Variants in AKAP12 observed in about 807,000 individuals in gnomAD.
AKAP12 encodes the protein A-kinase anchor protein 12.
AKAP12 carries 32 observed loss-of-function variants against 79.9 expected under a neutral mutation model. The ratio of observed to expected loss-of-function variants is 0.40; its 90% CI spans 0.30 to 0.54. The LOEUF is 0.54. AKAP12 is among the 20% of genes least tolerant of loss of function. AKAP12 has a pLI of 0.48. For synonymous variants in AKAP12, 808 were observed against 857.0 expected, an observed-to-expected ratio of 0.94 and a Z score of 1.00; for missense variants, 2,074 against 2,177.0, an observed-to-expected ratio of 0.95 and a Z score of 0.94.
chr6:151,283,639 AACCTT>A (rs1187169202), intron 2 of AKAP12, among the ~76,000 whole-genome samples: 4 of 152,230 alleles, frequency 2.6e-5, no homozygotes, highest in Admixed American at 2.6e-4. Context: ...GAGGTGAAGG[AACCTT>A]ACAGGTAGGG....
chr6:151,295,740 ACTCGGCAGTTGG>A (rs1454148107), intron 2 of AKAP12, among the ~76,000 whole-genome samples: 1 of 152,172 alleles, frequency 6.6e-6, no homozygotes, highest in African/African-American at 2.4e-5. Flanking sequence ...AATAGCTCCT[ACTCGGCAGTTGG>A]TGGGATGATG....
chr6:151,242,375 T>G (rs1330705771), intron 2 of AKAP12, among the ~76,000 whole-genome samples: 1 of 152,226 alleles, frequency 6.6e-6, no homozygotes, highest in Non-Finnish European at 1.5e-5. Flanking sequence ...ATCCTTTTCC[T>G]CTTTCCAAGT....
intron 3 of AKAP12, among the ~76,000 whole-genome samples, chr6:151,337,524 A>AAAAAAAAG (rs535027217): frequency 0.011 from 1,451 of 129,658 alleles, 68 homozygotes; most frequent in African/African-American, 0.048. Context: ...AAAAAAAAAA[A>AAAAAAAAG]AAAGAAAGAA....
intron 2 of AKAP12, among the ~76,000 whole-genome samples, chr6:151,282,678 G>A (rs1055938939): frequency 1.6e-4 from 24 of 152,174 alleles, no homozygotes; most frequent in African/African-American, 5.5e-4. Flanking sequence ...GGCTCTGCCT[G>A]GGTCTGATGG....
At chr6:151,321,536 TACTA>T (rs2114779353) in intron 3 of AKAP12, among the ~76,000 whole-genome samples, 1 of 152,314 alleles carries the variant, frequency 6.6e-6, no homozygotes, top group African/African-American at 2.4e-5. Flanking sequence ...TACTTTTTAT[TACTA>T]ACCCATTTCC....
chr6:151,282,695 T>G (rs1297771), intron 2 of AKAP12, among the ~76,000 whole-genome samples: 10 of 152,218 alleles, frequency 6.6e-5, no homozygotes, highest in African/African-American at 2.4e-4. Context: ...ATGGTGTTAC[T>G]GCTCACAGGG....
At position 151,328,123 on chromosome 6, in the gene AKAP12, C is replaced by T. The variant is rs906621788; in HGVS notation, c.320-20588C>T. ...TGGGCGGATCACGAGGTCAGGAGAT[C>T]GAGACCATCCTGGCTAACACGGTGA... On this transcript the variant is annotated intron_variant, in intron 3 of 4. Transcript: ENST00000402676. 6.6e-5 allele frequency among the ~76,000 whole-genome samples: 10 copies of T among 151,150 alleles called. No individual in the cohort carries two copies. In the East Asian group the frequency reaches 9.8e-4, roughly 15 times the overall value.
At chr6:151,346,167 A>T (rs114119568) in intron 3 of AKAP12, among the ~76,000 whole-genome samples, 7 of 152,138 alleles carry the variant, frequency 4.6e-5, no homozygotes, top group African/African-American at 1.7e-4. Context: ...ATTCAGGATC[A>T]TGCCAGGTAC....
chr6:151,308,295 C>T (rs1005613343), intron 3 of AKAP12, among the ~76,000 whole-genome samples: 1 of 151,826 alleles, frequency 6.6e-6, no homozygotes, highest in East Asian at 1.9e-4. Flanking sequence ...TCACTGCAAC[C>T]TCTGTCTTCC....
chr6:151,342,974 C>G (rs765280120), intron 3 of AKAP12, among the ~76,000 whole-genome samples: 5 of 152,044 alleles, frequency 3.3e-5, no homozygotes, highest in Non-Finnish European at 7.4e-5. Context: ...CTTTGGCCAG[C>G]GTGGTCTTGA....
chr6:151,356,872 T>C lies in AKAP12; in HGVS notation c.*1158T>C, dbSNP rs1445251983. 1.3e-5 allele frequency: 2 copies of C among 152,228 alleles called. No individual in the cohort carries two copies. Among genetic ancestry groups the C allele is most frequent in the African/African-American group, 4.8e-5 (2 of 41,462 alleles). The allele number at this position is 152,228 out of a possible 1,614,324, so 9.4% of individuals were successfully genotyped here. A position where few individuals can be genotyped will look rare whatever the true frequency, so the allele number is the denominator to read the frequency against. The stretch of plus-strand genomic sequence containing the variant: ...ATTGATAAGCTAGAACTTTCTGATG[T>C]AGTCATTACATGAAACCCCTTGTCA... On this transcript the variant is annotated 3_prime_UTR_variant, in exon 5 of 5. Transcript: ENST00000402676.
At chr6:151,354,566 G>A (rs1778396891) in intron 4 of AKAP12, among the ~76,000 whole-genome samples, 1 of 150,128 alleles carries the variant, frequency 6.7e-6, no homozygotes, top group Non-Finnish European at 1.5e-5. Flanking sequence ...GTAGAGATGG[G>A]TTTTCACCGT....
rs1255591216 is a variant in AKAP12 at position 151,240,011 on chromosome 6, C to A, written c.-228C>A. ...AGGAAAGCAAATGGGGACTCGGACTCGCTCCTGGGCGAGCTGAAAGTCGGC... is the reference window on the plus strand; with the variant it reads ...AGGAAAGCAAATGGGGACTCGGACTAGCTCCTGGGCGAGCTGAAAGTCGGC... On this transcript the variant is annotated 5_prime_UTR_variant, in exon 1 of 5. Coordinates refer to ENST00000402676, the MANE Select transcript of AKAP12 (RefSeq NM_005100.4). 1 of 152,382 alleles carries A rather than the reference C, an allele frequency of 6.6e-6. No homozygotes were observed. Among genetic ancestry groups the A allele is most frequent in the African/African-American group, 2.4e-5 (1 of 41,474 alleles). 9.4% of individuals were successfully genotyped at this position (152,382 alleles called of 1,614,324 possible).
At chr6:151,301,909 A>G (rs1180427133) in intron 2 of AKAP12, among the ~76,000 whole-genome samples, 3 of 152,194 alleles carry the variant, frequency 2.0e-5, no homozygotes, top group South Asian at 4.1e-4. Context: ...TGTATTCATT[A>G]TCATACTTAG....
Position 151,356,005 on chromosome 6 carries a change from AGTTG to A in AKAP12, c.*293_*296del, listed in dbSNP as rs1435774652. On this transcript the variant is annotated 3_prime_UTR_variant, in exon 5 of 5. Transcript: ENST00000402676. ...TCCTAAATTCTTAACCTGGAACTGG[AGTTG>A]GCAATACCTAGTTCTGCTTCTGAAA... is the stretch of plus-strand genomic sequence containing the variant. The A allele has an allele frequency of 6.5e-6, 1 of 152,680 alleles. No homozygotes were observed. Among genetic ancestry groups the A allele is most frequent in the Non-Finnish European group, 1.5e-5 (1 of 68,052 alleles). 9.5% of individuals were successfully genotyped at this position (152,680 alleles called of 1,614,324 possible).
At chr6:151,328,794 A>G (rs1777599757) in intron 3 of AKAP12, among the ~76,000 whole-genome samples, 1 of 152,170 alleles carries the variant, frequency 6.6e-6, no homozygotes, top group South Asian at 2.1e-4. Context: ...TTTACAATTC[A>G]TTAACAGGAC....
At chr6:151,295,267 AT>A (rs1178065597) in intron 2 of AKAP12, among the ~76,000 whole-genome samples, 3 of 152,232 alleles carry the variant, frequency 2.0e-5, no homozygotes, top group Admixed American at 6.5e-5. Context: ...TTGAATATTA[AT>A]GTTCAATGGA....
Position 151,350,727 on chromosome 6 carries a change from A to G in AKAP12, c.2336A>G (p.Lys779Arg), listed in dbSNP as rs1413138359. Residue 779 changes from lysine to arginine, a missense_variant, in exon 4 of 5, where the codon AAA becomes AGA. Physicochemically the swap from Lys to Arg is conservative, Grantham distance 26. Transcript: ENST00000402676. The surrounding 1 kb of genome is among the most constrained non-coding windows in gnomAD (Gnocchi z 4.8). The stretch of plus-strand genomic sequence containing the variant: ...AAATCAAAGTCCAAGCTGGAAGAGA[A>G]AAGCGAAGACTCCATAGCTGGGTCT... ...RKKSKSKLEE[K>R]SEDSIAGSGV... The G allele has an allele frequency of 2.5e-6, 4 of 1,613,892 alleles. No individual in the cohort carries two copies. The Admixed American group carries it at 6.7e-5, about 27-fold the overall frequency.
chr6:151,256,606 A>ATG (rs1282742320), intron 2 of AKAP12, among the ~76,000 whole-genome samples: 3 of 151,600 alleles, frequency 2.0e-5, no homozygotes, highest in Non-Finnish European at 2.9e-5. Flanking sequence ...TTTTTTATAT[A>ATG]TGTGTGTGTG....
Sources: allele counts gnomAD v4.1 joint callset (sites outside exome capture counted in the v4.1 genomes callset), GRCh38; gene constraint gnomAD v4.1.1; non-coding constraint Gnocchi (gnomAD v3.1); transcripts MANE v1.5; gene names NCBI Gene and HGNC (gene_info 2026-07-23, HGNC 2026-07-21).